PDE7A: variants seen among roughly 807,000 people sequenced by gnomAD.
PDE7A encodes the protein high affinity 3',5'-cyclic-AMP phosphodiesterase 7A.
A neutral mutation model predicts 64.3 loss-of-function variants in PDE7A; 39 were observed. The ratio of observed to expected loss-of-function variants is 0.61; its 90% CI spans 0.47 to 0.79. PDE7A has a LOEUF of 0.79. PDE7A is among the 30% of genes least tolerant of loss of function. The pLI is 0.00. For synonymous variants in PDE7A, 203 were observed against 206.8 expected, an observed-to-expected ratio of 0.98 and a Z score of 0.16; for missense variants, 470 against 582.8, an observed-to-expected ratio of 0.81 and a Z score of 1.99.
chr8:65,770,496 A>G (rs1041025812), intron 3 of PDE7A, among the ~76,000 whole-genome samples: 2 of 152,186 alleles, frequency 1.3e-5, no homozygotes, highest in Admixed American at 1.3e-4. Context: ...TGATGATTCA[A>G]TTACCTCCCA....
chr8:65,735,138 G>C (rs1172770616), intron 6 of PDE7A, among the ~76,000 whole-genome samples: 4 of 152,074 alleles, frequency 2.6e-5, no homozygotes, highest in Non-Finnish European at 5.9e-5. Context: ...TGTGCCCCCT[G>C]CCATCAACCT....
chr8:65,785,728 A>C (rs1029377901), intron 1 of PDE7A, among the ~76,000 whole-genome samples: 24 of 152,212 alleles, frequency 1.6e-4, no homozygotes, highest in African/African-American at 5.8e-4. Flanking sequence ...ATGACCTATC[A>C]ATTTGATGGT....
chr8:65,812,476 A>G (rs1810279836), intron 1 of PDE7A, among the ~76,000 whole-genome samples: 2 of 152,208 alleles, frequency 1.3e-5, no homozygotes, highest in East Asian at 1.9e-4. Flanking sequence ...AAAGAACTGT[A>G]TAAGAACACA....
intron 6 of PDE7A, among the ~76,000 whole-genome samples, chr8:65,736,162 C>T (rs544976400): frequency 6.6e-6 from 1 of 152,246 alleles, no homozygotes; most frequent in East Asian, 1.9e-4. Flanking sequence ...AGCATCACAA[C>T]TCTTGTGCTT....
chr8:65,813,744 A>G (rs1180582800), intron 1 of PDE7A, among the ~76,000 whole-genome samples: 1 of 152,202 alleles, frequency 6.6e-6, no homozygotes, highest in Admixed American at 6.5e-5. Flanking sequence ...GACAATTACA[A>G]AGAAGATATT....
At position 65,792,292 on chromosome 8, in the gene PDE7A, C is replaced by T. The variant is rs529494721; in HGVS notation, c.139-9449G>A. On this transcript the variant is annotated intron_variant, in intron 1 of 12. Coordinates refer to ENST00000401827, the MANE Select transcript of PDE7A (RefSeq NM_001242318.3). ...TAAGAAGAAAGTATAAAACTTTTTA[C>T]CTTTCTGGGGTTTATAAGGCTAATA... Among the ~76,000 whole-genome samples, 19 of 152,266 alleles carry T rather than the reference C, an allele frequency of 1.2e-4. No homozygotes were observed. In the South Asian group the frequency reaches 1.9e-3, roughly 15 times the overall value.
intron 6 of PDE7A, among the ~76,000 whole-genome samples, chr8:65,738,313 C>T (rs937075175): frequency 6.6e-6 from 1 of 152,138 alleles, no homozygotes; most frequent in Admixed American, 6.6e-5. Flanking sequence ...GATCTGGGCA[C>T]TATATGAAAT....
intron 1 of PDE7A, among the ~76,000 whole-genome samples, chr8:65,826,179 A>G (rs73693434): frequency 0.01 from 1,594 of 152,302 alleles, 33 homozygotes; most frequent in African/African-American, 0.036. Context: ...ACATGGGGCC[A>G]TATCATGAAA....
intron 1 of PDE7A, among the ~76,000 whole-genome samples, chr8:65,791,973 TAAAAAC>T (rs1219930366): frequency 6.6e-6 from 1 of 152,102 alleles, no homozygotes; most frequent in Admixed American, 6.5e-5. Flanking sequence ...TAAGATGAAA[TAAAAAC>T]AAATGCTGTT....
chr8:65,775,091 G>C (rs1175481343), intron 3 of PDE7A, among the ~76,000 whole-genome samples: 1 of 152,142 alleles, frequency 6.6e-6, no homozygotes, highest in Non-Finnish European at 1.5e-5. Context: ...TTGGGGTCAA[G>C]CAAAATAGTC....
intron 3 of PDE7A, among the ~76,000 whole-genome samples, chr8:65,756,499 A>T (rs931280255): frequency 1.3e-5 from 2 of 151,754 alleles, no homozygotes; most frequent in African/African-American, 4.8e-5. Context: ...AAGTTTGCTG[A>T]TCCTTACTTC....
chr8:65,771,835 A>G (rs1809099765), intron 3 of PDE7A, among the ~76,000 whole-genome samples: 1 of 143,826 alleles, frequency 7.0e-6, no homozygotes, highest in Non-Finnish European at 1.5e-5. Context: ...CGATTGAGCC[A>G]CTGCACTCCA....
At chr8:65,782,088 A>G (rs981489432) in intron 2 of PDE7A, among the ~76,000 whole-genome samples, 2 of 152,206 alleles carry the variant, frequency 1.3e-5, no homozygotes, top group Non-Finnish European at 2.9e-5. Flanking sequence ...ATGGATCAGT[A>G]TCATAAAGTT....
At chr8:65,817,291 T>G (rs1810431274) in intron 1 of PDE7A, among the ~76,000 whole-genome samples, 1 of 152,234 alleles carries the variant, frequency 6.6e-6, no homozygotes, top group African/African-American at 2.4e-5. Flanking sequence ...TGTGTTATAC[T>G]TACATACCAT....
intron 5 of PDE7A, among the ~76,000 whole-genome samples, chr8:65,742,347 C>G (rs1807478836): frequency 6.6e-6 from 1 of 152,156 alleles, no homozygotes; most frequent in Non-Finnish European, 1.5e-5. Context: ...TTAGGAGTGA[C>G]AAGCTTTTGC....
chr8:65,810,015 A>G (rs373072292), intron 1 of PDE7A, among the ~76,000 whole-genome samples: 11 of 152,236 alleles, frequency 7.2e-5, no homozygotes, highest in African/African-American at 2.7e-4. Flanking sequence ...CCCAAGGATT[A>G]TAAGTCACGC....
intron 8 of PDE7A, 79 bp downstream of exon 8, chr8:65,727,091 A>G (rs1806642870): frequency 2.9e-6 from 3 of 1,050,904 alleles, no homozygotes; most frequent in Non-Finnish European, 4.4e-6. Flanking sequence ...ATTTATTTTC[A>G]TTACTTTCAT....
chr8:65,802,317 A>C (rs923736260), intron 1 of PDE7A, among the ~76,000 whole-genome samples: 6 of 152,258 alleles, frequency 3.9e-5, no homozygotes, highest in Admixed American at 3.9e-4. Context: ...CTTCAAAATC[A>C]TTAAAATGGC....
chr8:65,778,765 C>A (rs1285048875), intron 3 of PDE7A, among the ~76,000 whole-genome samples: 1 of 152,228 alleles, frequency 6.6e-6, no homozygotes, highest in African/African-American at 2.4e-5. Context: ...GGATGAGTAA[C>A]ATCTCTGTCC....
Sources: allele counts gnomAD v4.1 joint callset (sites outside exome capture counted in the v4.1 genomes callset), GRCh38; gene constraint gnomAD v4.1.1; transcripts MANE v1.5; gene names NCBI Gene and HGNC (gene_info 2026-07-23, HGNC 2026-07-21).